KIF14: variants seen among roughly 807,000 people sequenced by gnomAD.
KIF14 encodes the protein kinesin-like protein KIF14.
A neutral mutation model predicts 176.2 loss-of-function variants in KIF14; 98 were observed. The observed-to-expected ratio is 0.56, with a 90% CI of 0.47 to 0.66. KIF14 has a LOEUF of 0.66. Ranked by LOEUF, KIF14 falls within the 30% of genes least tolerant of loss-of-function variation. The probability of loss-of-function intolerance (pLI) is 0.00; values close to 1 mark genes in which losing one functional copy is unlikely to be tolerated. For synonymous variants in KIF14, 566 were observed against 632.2 expected (o/e 0.90, Z 1.57); for missense variants, 1,751 against 1,920.4 (o/e 0.91, Z 1.65).
Position 200,581,212 on chromosome 1 carries a change from A to G in KIF14, c.3324T>C (p.Tyr1108=). The part of the protein sequence containing the change: ...NAISSKLKTY[Y]VFGRHDISDK... ...AATTAATTACTCACCTGCCAAAAAC[A>G]TAGTATGTTTTCAATTTGCTGCTGA... Residue 1108 remains tyrosine, a synonymous_variant, in exon 20 of 30, where the codon TAT becomes TAC. Transcript: ENST00000367350. The G allele has an allele frequency of 6.3e-7, 1 of 1,594,536 alleles. No individual in the cohort carries two copies. The highest frequency in any genetic ancestry group is 8.6e-7 in the Non-Finnish European group (1 of 1,168,864).
At chr1:200,611,360 A>T (rs1304260388) in intron 4 of KIF14, among the ~76,000 whole-genome samples, 1 of 152,208 alleles carries the variant, frequency 6.6e-6, no homozygotes, top group Non-Finnish European at 1.5e-5. Context: ...TCAGAAGCTA[A>T]TTGGAGATGC....
chr1:200,610,371 G>A (rs955904914), intron 4 of KIF14, among the ~76,000 whole-genome samples: 9 of 151,900 alleles, frequency 5.9e-5, no homozygotes, highest in African/African-American at 1.5e-4. Context: ...TTAGCCGGGC[G>A]TGGTGGCGGG....
Position 200,565,235 on chromosome 1 carries a change from G to A in KIF14, c.3905C>T (p.Ala1302Val), listed in dbSNP as rs1657382826. The A allele has an allele frequency of 6.3e-7, 1 of 1,599,054 alleles. No individual in the cohort carries two copies. The highest frequency in any genetic ancestry group is 1.3e-5 in the African/African-American group (1 of 74,168). ...AGTCTGAATAGTAAGTGACTGGATT[G>A]CTCGATCAGAAGAAAACACTTTGAA... is the stretch of plus-strand genomic sequence containing the variant. ...SQDNLFSSDR[A>V]IQSLTIQTAC... Residue 1302 changes from alanine to valine, a missense_variant, in exon 25 of 30, where the codon GCA becomes GTA. Ala to Val is a moderately conservative substitution (Grantham distance 64). Transcript: ENST00000367350.
chr1:200,555,590 A>T, intron 27 of KIF14, 136 bp from the exon 28 acceptor site: 1 of 440,902 alleles, frequency 2.3e-6, no homozygotes, highest in Non-Finnish European at 4.1e-6. Flanking sequence ...TGGGATTGCA[A>T]TTAAATAGCT....
chr1:200,598,264 G>A lies in KIF14; in HGVS notation c.2522C>T (p.Ser841Phe), dbSNP rs139385693. The A allele has an allele frequency of 2.5e-6, 4 of 1,612,844 alleles. No homozygotes were observed. The highest frequency in any genetic ancestry group is 1.7e-4 in the Middle Eastern group (1 of 6,050). ...KPNSSHDIQL[S>F]GVLIADDHCT... ...ATGATCATCAGCAATCAGCACCCCA[G>A]ATAACTGAATATCATGGCTTGAGTT... Residue 841 changes from serine (S) to phenylalanine (F), a missense_variant, in exon 14 of 30, where the codon TCT (serine) becomes TTT (phenylalanine). Coordinates refer to ENST00000367350, the MANE Select transcript of KIF14 (RefSeq NM_014875.3).
At chr1:200,563,939 T>C (rs1657297638) in intron 25 of KIF14, among the ~76,000 whole-genome samples, 1 of 152,108 alleles carries the variant, frequency 6.6e-6, no homozygotes, top group Non-Finnish European at 1.5e-5. Context: ...ATGTGGCATA[T>C]GGTGATTTCC....
At position 200,555,581 on chromosome 1, in the gene KIF14, G is replaced by A. The variant is rs1031764172; in HGVS notation, c.4354-127C>T. 1.3e-5 allele frequency: 6 copies of A among 452,802 alleles called. No homozygotes were observed. In the Admixed American group the frequency reaches 1.7e-4, roughly 13 times the overall value. 28.0% of individuals were successfully genotyped at this position (452,802 alleles called of 1,614,324 possible). On this transcript the variant is annotated intron_variant, in intron 27 of 29. Coordinates refer to ENST00000367350, the MANE Select transcript of KIF14 (RefSeq NM_014875.3). ...GCCCAAAGATTGGAGCTCTATTTCT[G>A]GGATTGCAATTAAATAGCTTGAGAG...
At position 200,555,386 on chromosome 1, in the gene KIF14, C is replaced by A. The variant is rs772169875; in HGVS notation, c.4422G>T (p.Ser1474=). ...AATTTAAAGCTTCTCTTACAATTTT[C>A]GATTCAGCAAAGATGTTTTCAAGAG... is the stretch of plus-strand genomic sequence containing the variant. ...IRSLENIFAE[S]KIKSFRRQVQ... The change falls in exon 28 of 30, where the codon TCG becomes TCT. Residue 1474 remains serine, a synonymous_variant. Transcript: ENST00000367350. 1 of 1,563,048 alleles carries A rather than the reference C, an allele frequency of 6.4e-7. No individual in the cohort carries two copies. The highest frequency in any genetic ancestry group is 1.2e-5 in the South Asian group (1 of 84,062).
intron 22 of KIF14, among the ~76,000 whole-genome samples, chr1:200,572,517 G>C (rs1377132723): frequency 1.3e-5 from 2 of 152,002 alleles, no homozygotes; most frequent in African/African-American, 4.8e-5. Flanking sequence ...GCTAATTTTT[G>C]TATTTTTAGT....
Position 200,590,159 on chromosome 1 carries a change from T to G in KIF14, c.2927A>C (p.Tyr976Ser). ...TTCCAGTGCTTTTATTTTGCTTTCATATGCAGCTTTTTGAGAAGAAAGCTC... is the reference window on the plus strand; with the variant it reads ...TTCCAGTGCTTTTATTTTGCTTTCAGATGCAGCTTTTTGAGAAGAAAGCTC... ...QQELSSQKAA[Y>S]ESKIKALEAE... The change falls in exon 17 of 30, where the codon TAT (tyrosine) becomes TCT (serine). Residue 976 changes from tyrosine (Y) to serine (S), a missense_variant. Coordinates refer to ENST00000367350, the MANE Select transcript of KIF14 (RefSeq NM_014875.3). 1 of 1,612,142 alleles carries G rather than the reference T, an allele frequency of 6.2e-7. No homozygotes were observed. Among genetic ancestry groups the G allele is most frequent in the Non-Finnish European group, 8.5e-7 (1 of 1,179,706 alleles).
chr1:200,618,129 T>A lies in KIF14; in HGVS notation c.595A>T (p.Thr199Ser). ...TTTGCTCTACTGGGGGCAGAAAATG[T>A]TTCTTTGTATTTCTTATCAGCCATC... is the stretch of plus-strand genomic sequence containing the variant. Reference protein sequence around the residue: ...EMMADKKYKETFSAPSRANEN... With the variant: ...EMMADKKYKESFSAPSRANEN... The change falls in exon 2 of 30, where the codon ACA becomes TCA. Residue 199 changes from threonine (T) to serine (S), a missense_variant. Thr to Ser is a moderately conservative substitution (Grantham distance 58). Coordinates refer to ENST00000367350, the MANE Select transcript of KIF14 (RefSeq NM_014875.3). The A allele has an allele frequency of 6.2e-7, 1 of 1,614,068 alleles. No homozygotes were observed. The highest frequency in any genetic ancestry group is 8.5e-7 in the Non-Finnish European group (1 of 1,180,014).
chr1:200,555,520 CA>C, intron 27 of KIF14, 66 bp from the exon 28 acceptor site: 2 of 924,852 alleles, frequency 2.2e-6, no homozygotes, highest in Non-Finnish European at 3.2e-6. Flanking sequence ...CATAGAATTG[CA>C]TGGGACCAGA....
chr1:200,557,810 C>A lies in KIF14; in HGVS notation c.4353+1520G>T, dbSNP rs188277582. On this transcript the variant is annotated intron_variant, in intron 27 of 29. Transcript: ENST00000367350. ...CAGAGGGACAGAAGCCAATAGTCCT[C>A]CACATGATCTACTTTTCTAGATCAA... Among the ~76,000 whole-genome samples, 13 of 152,232 alleles carry A rather than the reference C, an allele frequency of 8.5e-5. No individual in the cohort carries two copies. The East Asian group carries it at 2.5e-3, about 29-fold the overall frequency.
chr1:200,561,009 T>G lies in KIF14; in HGVS notation c.4072-129A>C, dbSNP rs1657113937. ...AGTTTGGGAGGCCGAGGCGGGTGGATCGCCTGAGGTCAGGAGTTCAAGATC... is the reference window on the plus strand; with the variant it reads ...AGTTTGGGAGGCCGAGGCGGGTGGAGCGCCTGAGGTCAGGAGTTCAAGATC... On this transcript the variant is annotated intron_variant, in intron 25 of 29. Transcript: ENST00000367350. 8.3e-6 allele frequency: 6 copies of G among 723,780 alleles called. No homozygotes were observed. In the South Asian group the frequency reaches 1.0e-4, roughly 12 times the overall value. 44.8% of individuals were successfully genotyped at this position (723,780 alleles called of 1,614,324 possible). A position where few individuals can be genotyped will look rare whatever the true frequency, so the allele number is the denominator to read the frequency against.
intron 18 of KIF14, among the ~76,000 whole-genome samples, chr1:200,586,979 C>T (rs572294866): frequency 6.6e-6 from 1 of 152,144 alleles, no homozygotes; most frequent in South Asian, 2.1e-4. Context: ...TATGCAAAAG[C>T]ATATAGAGTG....
chr1:200,615,540 G>A lies in KIF14; in HGVS notation c.1182C>T (p.Asp394=), dbSNP rs1660368489. 6.2e-7 allele frequency: 1 copy of A among 1,613,376 alleles called. No individual in the cohort carries two copies. The highest frequency in any genetic ancestry group is 8.5e-7 in the Non-Finnish European group (1 of 1,179,420). The change falls in exon 3 of 30, where the codon GAC becomes GAT. Residue 394 remains aspartate, a synonymous_variant. Coordinates refer to ENST00000367350, the MANE Select transcript of KIF14 (RefSeq NM_014875.3). The part of the protein sequence containing the change: ...SGKEITVEHP[D]TKQVYNFIYD... ...AAATAAAATTATAAACTTGTTTCGT[G>A]TCAGGGTGTTCCACAGTTATTTCTT...
chr1:200,615,679 A>C, intron 2 of KIF14, 70 bp from the exon 3 acceptor site: 1 of 1,273,564 alleles, frequency 7.9e-7, no homozygotes, highest in South Asian at 1.4e-5. Context: ...ACAGAACATA[A>C]TAAATACCTC....
At chr1:200,570,105 G>A (rs1421582509) in intron 22 of KIF14, 100 bp from the exon 23 acceptor site, 1 of 553,946 alleles carries the variant, frequency 1.8e-6, no homozygotes, top group African/African-American at 1.9e-5. Context: ...ACATTCATGT[G>A]TGTGTTTTTC....
In KIF14 at chr1:200,553,361, G is replaced by C. The variant is rs772615590; in HGVS notation, c.*27C>G. 2.6e-6 allele frequency: 4 copies of C among 1,537,476 alleles called. No homozygotes were observed. In the African/African-American group the frequency reaches 5.6e-5, roughly 21 times the overall value. ...AAGTGTTCTTTTTCTTTCATGGGTG[G>C]TCATAAAAGTGCCTACACATCAGTA... On this transcript the variant is annotated 3_prime_UTR_variant, in exon 30 of 30. Transcript: ENST00000367350.
Sources: gnomAD v4.1 joint callset for allele counts (sites outside exome capture counted in the v4.1 genomes callset) on GRCh38, gnomAD v4.1.1 for gene constraint, MANE v1.5 for transcripts, NCBI Gene and HGNC (gene_info 2026-07-23, HGNC 2026-07-21) for gene names.